Variants in DENND2B observed in about 807,000 individuals in gnomAD.
DENND2B encodes the protein DENN domain-containing protein 2B.
In DENND2B, 32 loss-of-function variants were observed where a neutral mutation model predicts 116.0. The ratio of observed to expected loss-of-function variants is 0.28; its 90% CI spans 0.21 to 0.37. The LOEUF is 0.37. Ranked by LOEUF, DENND2B falls within the 10% of genes least tolerant of loss-of-function variation. DENND2B has a pLI of 1.00. For missense variants in DENND2B, 1,276 were observed against 1,477.7 expected (o/e 0.86, Z 2.24); for synonymous variants, 588 against 583.9 (o/e 1.01, Z -0.10).
intron 2 of DENND2B, among the ~76,000 whole-genome samples, chr11:8,735,755 G>A (rs1457518119): frequency 3.9e-5 from 6 of 152,218 alleles, no homozygotes; most frequent in Non-Finnish European, 5.9e-5. Flanking sequence ...GGAGGGTCAG[G>A]AGAGTCTCAC....
chr11:8,904,839 A>G (rs1474315502), intron 1 of DENND2B, among the ~76,000 whole-genome samples: 1 of 152,102 alleles, frequency 6.6e-6, no homozygotes, highest in South Asian at 2.1e-4. Flanking sequence ...TACTTAATAA[A>G]TTTGTTAAAA....
intron 3 of DENND2B, among the ~76,000 whole-genome samples, chr11:8,727,657 C>T (rs1003006904): frequency 6.6e-6 from 1 of 152,204 alleles, no homozygotes; most frequent in Non-Finnish European, 1.5e-5. Flanking sequence ...AGATTCTCAA[C>T]TAGTTAAACA....
intron 2 of DENND2B, among the ~76,000 whole-genome samples, chr11:8,743,488 T>A (rs1295014806): frequency 6.6e-6 from 1 of 150,906 alleles, no homozygotes; most frequent in Non-Finnish European, 1.5e-5. Context: ...TGGCAGAGGC[T>A]GCAGTGAGCC....
Position 8,707,398 on chromosome 11 carries a change from T to G in DENND2B, c.2431-173A>C. ...CTACCCTTCCCGTTTTCCTTGGCAC[T>G]CAGTGACTCCTCTGTTCCCTAACTG... On this transcript the variant is annotated intron_variant, in intron 12 of 19. Coordinates refer to ENST00000313726, the MANE Select transcript of DENND2B (RefSeq NM_213618.2). This position sits in a 1 kb window ranked among gnomAD's most constrained non-coding sequence, Gnocchi z 4.8. The G allele has an allele frequency of 1.2e-6, 1 of 842,718 alleles. No homozygotes were observed. Among genetic ancestry groups the G allele is most frequent in the Non-Finnish European group, 1.8e-6 (1 of 564,542 alleles). The allele number at this position is 842,718 out of a possible 1,614,324, so 52.2% of individuals were successfully genotyped here.
chr11:8,771,931 A>G (rs1183934821), intron 1 of DENND2B: 1 of 152,146 alleles, frequency 6.6e-6, no homozygotes, highest in African/African-American at 2.4e-5. Context: ...ATCACTCTGA[A>G]GGGTCCTACC....
At chr11:8,837,973 C>CCA (rs1440138736) in intron 4 of DENND2B, among the ~76,000 whole-genome samples, 1 of 152,174 alleles carries the variant, frequency 6.6e-6, no homozygotes, top group Non-Finnish European at 1.5e-5. Context: ...GCTAAGCCTC[C>CCA]CACATCCCAA....
intron 1 of DENND2B, among the ~76,000 whole-genome samples, chr11:8,900,032 T>C (rs2064145146): frequency 6.6e-6 from 1 of 152,178 alleles, no homozygotes. Context: ...GGCTCACACC[T>C]GTAATCTCAG....
intron 2 of DENND2B, among the ~76,000 whole-genome samples, chr11:8,735,039 A>G (rs2048774560): frequency 6.6e-6 from 1 of 151,686 alleles, no homozygotes; most frequent in South Asian, 2.1e-4. Flanking sequence ...ATCAAATATG[A>G]CCATGAATTC....
At chr11:8,747,221 T>G (rs2051421829) in intron 2 of DENND2B, among the ~76,000 whole-genome samples, 1 of 151,776 alleles carries the variant, frequency 6.6e-6, no homozygotes, top group South Asian at 2.1e-4. Context: ...CCTCAAGAAT[T>G]ATATATTCTC....
rs188977430 is a variant in DENND2B at position 8,908,691 on chromosome 11, C to A, written c.-256+2130G>T. On this transcript the variant is annotated intron_variant, in intron 1 of 22. Coordinates refer to the DENND2B transcript ENST00000534127. Reference sequence around the variant, plus strand: ...AAACTACATTCTCTGCAAAACCTTTCTTGATCCTCCCAGCTGAACATAGTC... The same window carrying A: ...AAACTACATTCTCTGCAAAACCTTTATTGATCCTCCCAGCTGAACATAGTC... Among the ~76,000 whole-genome samples, 5 of 152,348 alleles carry A rather than the reference C, an allele frequency of 3.3e-5. No individual in the cohort carries two copies. In the East Asian group the frequency reaches 7.7e-4, roughly 23 times the overall value.
chr11:8,743,313 G>A (rs889581278), intron 2 of DENND2B, among the ~76,000 whole-genome samples: 1 of 152,080 alleles, frequency 6.6e-6, no homozygotes, highest in Non-Finnish European at 1.5e-5. Context: ...ACTTTGGGAG[G>A]CTGAGGCGGG....
At chr11:8,776,333 C>A in intron 1 of DENND2B, 1 of 428,682 alleles carries the variant, frequency 2.3e-6, no homozygotes. Context: ...TGCTCCAAGG[C>A]CCAGGCCAAG....
intron 4 of DENND2B, among the ~76,000 whole-genome samples, chr11:8,834,197 G>A (rs1309692108): frequency 6.6e-6 from 1 of 152,220 alleles, no homozygotes; most frequent in Admixed American, 6.5e-5. Context: ...ACCTAGTACA[G>A]TTTGGAAAGT....
intron 14 of DENND2B, chr11:8,699,817 C>A: frequency 2.2e-6 from 1 of 457,448 alleles, no homozygotes; most frequent in Non-Finnish European, 4.4e-6. Flanking sequence ...TGTGGAAAAC[C>A]TAAAACATCA....
rs374404129 is a variant in DENND2B at position 8,762,383 on chromosome 11, C to T, written c.-25-11658G>A. Among the ~76,000 whole-genome samples the T allele has an allele frequency of 2.7e-4, 41 of 152,330 alleles. No individual in the cohort carries two copies. The South Asian group carries it at 8.3e-3, about 31-fold the overall frequency. Reference sequence around the variant, plus strand: ...TGCCCTCCCTAGATAGGGTGAACAGCAGTTGGGCTCCACAGTCCAGGCCCA... The same window carrying T: ...TGCCCTCCCTAGATAGGGTGAACAGTAGTTGGGCTCCACAGTCCAGGCCCA... On this transcript the variant is annotated intron_variant, in intron 1 of 19. Coordinates refer to ENST00000313726, the MANE Select transcript of DENND2B (RefSeq NM_213618.2).
intron 3 of DENND2B, among the ~76,000 whole-genome samples, chr11:8,842,297 G>A (rs2062652264): frequency 6.6e-6 from 1 of 152,154 alleles, no homozygotes; most frequent in African/African-American, 2.4e-5. Flanking sequence ...GTCGTGCAGT[G>A]TCCCTTACCT....
chr11:8,733,183 C>A (rs868610961), intron 2 of DENND2B, among the ~76,000 whole-genome samples: 19 of 152,334 alleles, frequency 1.2e-4, no homozygotes, highest in Middle Eastern at 3.4e-3. Flanking sequence ...TCCGCACTCC[C>A]TGGGGTAGGG....
At chr11:8,701,753 T>G (rs2041731514) in intron 14 of DENND2B, among the ~76,000 whole-genome samples, 1 of 152,110 alleles carries the variant, frequency 6.6e-6, no homozygotes, top group East Asian at 1.9e-4. Context: ...AGCTCCGACT[T>G]CTTACTTCCT....
intron 3 of DENND2B, among the ~76,000 whole-genome samples, chr11:8,844,071 G>A (rs901166964): frequency 1.3e-5 from 2 of 152,162 alleles, no homozygotes; most frequent in Admixed American, 6.5e-5. Flanking sequence ...TAGTAAAGAC[G>A]TACTTTCTGC....
Sources: allele counts gnomAD v4.1 joint callset (sites outside exome capture counted in the v4.1 genomes callset), GRCh38; gene constraint gnomAD v4.1.1; non-coding constraint Gnocchi (gnomAD v3.1); transcripts MANE v1.5; gene names NCBI Gene and HGNC (gene_info 2026-07-23, HGNC 2026-07-21).